MEI1: variants seen among roughly 807,000 people sequenced by gnomAD.
The protein encoded by MEI1 is meiotic double-stranded break formation protein 1.
Under a neutral mutation model 146.2 loss-of-function variants are expected in MEI1, and 103 were observed. The ratio of observed to expected loss-of-function variants is 0.70; its 90% CI spans 0.60 to 0.83. The LOEUF is 0.83. Among genes scored for constraint, MEI1 ranks in the 40% least tolerant of loss-of-function variants. The pLI is 0.00. For synonymous variants in MEI1, 652 were observed against 628.2 expected (o/e 1.04, Z -0.57); for missense variants, 1,529 against 1,533.0 (o/e 1.00, Z 0.04).
At chr22:41,725,299 A>G (rs1292143714) in intron 7 of MEI1, among the ~76,000 whole-genome samples, 6 of 151,708 alleles carry the variant, frequency 4.0e-5, no homozygotes, top group Non-Finnish European at 2.9e-5. Context: ...TTTTTAGAAG[A>G]GACGGGGCTT....
intron 3 of MEI1, among the ~76,000 whole-genome samples, 154 bp downstream of exon 3, chr22:41,705,708 C>CTT (rs10568131): frequency 1.1e-4 from 15 of 137,026 alleles, no homozygotes; most frequent in Non-Finnish European, 1.4e-4. Flanking sequence ...TTGTTTTTTA[C>CTT]TTTTTTTTTT....
At chr22:41,725,401 C>T (rs891735688) in intron 7 of MEI1, among the ~76,000 whole-genome samples, 6 of 152,150 alleles carry the variant, frequency 3.9e-5, no homozygotes, top group African/African-American at 1.4e-4. Flanking sequence ...CATGAGCCCC[C>T]AGGCCCAGCC....
chr22:41,749,560 C>T (rs2073600917), intron 15 of MEI1, among the ~76,000 whole-genome samples: 2 of 152,196 alleles, frequency 1.3e-5, no homozygotes, highest in South Asian at 4.1e-4. Context: ...CAGACGTGAG[C>T]CACCACGCCT....
intron 1 of MEI1, among the ~76,000 whole-genome samples, chr22:41,703,017 C>T (rs1034376820): frequency 6.6e-6 from 1 of 152,184 alleles, no homozygotes; most frequent in African/African-American, 2.4e-5. Context: ...CGGGCCCGGC[C>T]TCTGTTTTTG....
At chr22:41,757,923 A>G (rs966751708) in intron 17 of MEI1, among the ~76,000 whole-genome samples, 1 of 152,092 alleles carries the variant, frequency 6.6e-6, no homozygotes, top group Non-Finnish European at 1.5e-5. Context: ...CCTGGCCAAC[A>G]TGGCAAAACC....
chr22:41,765,132 G>A (rs181495367), intron 19 of MEI1, among the ~76,000 whole-genome samples: 4 of 152,306 alleles, frequency 2.6e-5, no homozygotes, highest in Admixed American at 1.3e-4. Flanking sequence ...AGCCTCCCGA[G>A]TAGCTGGGAT....
chr22:41,778,936 CA>C (rs1459552717), intron 22 of MEI1, 124 bp downstream of exon 22: 16 of 688,224 alleles, frequency 2.3e-5, no homozygotes, highest in Non-Finnish European at 3.7e-5. Context: ...GCTAGTAGGT[CA>C]GTCTGTCCCT....
chr22:41,795,760 A>C lies in MEI1; in HGVS notation c.3692A>C (p.Asp1231Ala), dbSNP rs1376863231. The change falls in exon 30 of 31, where the codon GAC becomes GCC. Residue 1231 changes from aspartate (D) to alanine (A), a missense_variant. Coordinates refer to ENST00000401548, the MANE Select transcript of MEI1 (RefSeq NM_152513.4). The surrounding 1 kb of genome is among the most constrained non-coding windows in gnomAD (Gnocchi z 4.2). ...QQLQSMGHLADHSMAQTLQAS... is the reference protein window; with the variant it reads ...QQLQSMGHLAAHSMAQTLQAS... The stretch of plus-strand genomic sequence containing the variant: ...CTCCAGAGCATGGGACACCTGGCTG[A>C]CCACAGCATGGCCCAGACCCTGCAG... 6.2e-7 allele frequency: 1 copy of C among 1,613,668 alleles called. No individual in the cohort carries two copies. Among genetic ancestry groups the C allele is most frequent in the South Asian group, 1.1e-5 (1 of 91,078 alleles).
chr22:41,762,945 G>T (rs768570197), intron 18 of MEI1, among the ~76,000 whole-genome samples: 1 of 152,160 alleles, frequency 6.6e-6, no homozygotes, highest in Non-Finnish European at 1.5e-5. Flanking sequence ...TGTGAATGAG[G>T]AGTATTTGGC....
chr22:41,797,191 G>A (rs1185392565), intron 30 of MEI1, among the ~76,000 whole-genome samples: 3 of 151,968 alleles, frequency 2.0e-5, no homozygotes, highest in Non-Finnish European at 4.4e-5. Flanking sequence ...GTTTCACCAT[G>A]TTGCCCAGGC....
intron 19 of MEI1, among the ~76,000 whole-genome samples, chr22:41,764,328 T>C (rs891475268): frequency 6.6e-6 from 1 of 152,230 alleles, no homozygotes; most frequent in Non-Finnish European, 1.5e-5. Context: ...TATTATTGTT[T>C]TGTAATCCCT....
intron 18 of MEI1, among the ~76,000 whole-genome samples, chr22:41,758,945 C>T (rs573030574): frequency 8.5e-5 from 13 of 152,180 alleles, no homozygotes; most frequent in South Asian, 4.1e-4. Context: ...GAGTTCGAGA[C>T]CAGCCTGGCC....
chr22:41,799,155 C>G, intron 30 of MEI1, 99 bp from the exon 31 acceptor site: 1 of 1,140,672 alleles, frequency 8.8e-7, no homozygotes, highest in Non-Finnish European at 1.3e-6. Flanking sequence ...CACTTCTGTT[C>G]TTGCCTGACC....
At position 41,732,357 on chromosome 22, in the gene MEI1, G is replaced by T; in HGVS notation, c.1196+13G>T. On this transcript the variant is annotated intron_variant, in intron 10 of 30. Transcript: ENST00000401548. ...AAATCCTGACCCGGTGAGCAAAGTG[G>T]TGGAACATGAGGCTTGTAGGGGCCA... is the stretch of plus-strand genomic sequence containing the variant. 6.2e-7 allele frequency: 1 copy of T among 1,613,486 alleles called. No homozygotes were observed. The highest frequency in any genetic ancestry group is 8.5e-7 in the Non-Finnish European group (1 of 1,179,646).
At chr22:41,752,237 G>A (rs928540228) in intron 15 of MEI1, among the ~76,000 whole-genome samples, 2 of 152,214 alleles carry the variant, frequency 1.3e-5, no homozygotes, top group Non-Finnish European at 2.9e-5. Flanking sequence ...AGGAGCAGAT[G>A]TGCCCTTCCT....
chr22:41,794,305 A>G (rs738247), intron 27 of MEI1, 66 bp from the exon 28 acceptor site: 450,391 of 1,337,616 alleles, frequency 0.34, 78,456 homozygotes, highest in Non-Finnish European at 0.36. Context: ...CAATAGGAGA[A>G]GGTCCTCTTG....
intron 6 of MEI1, among the ~76,000 whole-genome samples, chr22:41,722,467 ATTTTTTT>A (rs749033326): frequency 1.2e-3 from 148 of 127,614 alleles, no homozygotes; most frequent in Admixed American, 1.8e-3. Context: ...CAGCATTTTA[ATTTTTTT>A]TTTTTTTTTT....
intron 19 of MEI1, 53 bp downstream of exon 19, chr22:41,763,374 T>C: frequency 6.3e-7 from 1 of 1,587,548 alleles, no homozygotes; most frequent in Non-Finnish European, 8.6e-7. Flanking sequence ...TTTACATTAG[T>C]GTTCCCTGGG....
chr22:41,777,158 A>ATTT (rs11429191), intron 21 of MEI1, among the ~76,000 whole-genome samples: 5 of 140,850 alleles, frequency 3.5e-5, no homozygotes, highest in South Asian at 2.2e-4. Flanking sequence ...TTTAAAAATA[A>ATTT]TTTTTTTTTT....
Sources: allele counts gnomAD v4.1 joint callset (sites outside exome capture counted in the v4.1 genomes callset), GRCh38; gene constraint gnomAD v4.1.1; non-coding constraint Gnocchi (gnomAD v3.1); transcripts MANE v1.5; gene names NCBI Gene and HGNC (gene_info 2026-07-23, HGNC 2026-07-21).